CHD3: variants seen among roughly 807,000 people sequenced by gnomAD.
The protein encoded by CHD3 is chromodomain helicase DNA binding protein 3, also known as ATP-dependent chromatin remodeler CHD3.
Under a neutral mutation model 248.9 loss-of-function variants are expected in CHD3, and 52 were observed. The observed-to-expected ratio is 0.21, with a 90% CI of 0.17 to 0.26. The LOEUF is 0.26. Among genes scored for constraint, CHD3 ranks in the 10% least tolerant of loss-of-function variants. CHD3 has a pLI of 1.00. For synonymous variants in CHD3, 985 were observed against 985.2 expected (o/e 1.00, Z 0.00); for missense variants, 1,482 against 2,605.8 (o/e 0.57, Z 9.39).
chr17:7,891,467 CCCTT>C (rs1197279864), intron 4 of CHD3, among the ~76,000 whole-genome samples: 2 of 152,156 alleles, frequency 1.3e-5, no homozygotes, highest in African/African-American at 2.4e-5. Flanking sequence ...GGTCCTGTGC[CCCTT>C]CCTTAGGCCC....
At position 7,893,841 on chromosome 17, in the gene CHD3, T is replaced by C. The variant is rs1196723619; in HGVS notation, c.830T>C (p.Val277Ala). The C allele has an allele frequency of 6.2e-7, 1 of 1,613,828 alleles. No individual in the cohort carries two copies. The highest frequency in any genetic ancestry group is 1.7e-5 in the Admixed American group (1 of 59,990). Reference protein sequence around the residue: ...GHKRRSKSPRVPDGRKKLRGK... With the variant: ...GHKRRSKSPRAPDGRKKLRGK... ...AAGAGGCGGAGTAAGAGCCCCCGAG[T>C]GCCTGATGGACGCAAGAAGCTTCGG... The change falls in exon 6 of 40, where the codon GTG (valine) becomes GCG (alanine). Residue 277 changes from valine (V) to alanine (A), a missense_variant. Around this residue, in one of 20 missense-constraint regions of CHD3, gnomAD observed 149 missense variants for 182.6 expected, o/e 0.82. Coordinates refer to ENST00000330494, the MANE Select transcript of CHD3 (RefSeq NM_001005273.3).
chr17:7,901,543 T>G (rs895039146), intron 20 of CHD3, among the ~76,000 whole-genome samples, 168 bp downstream of exon 20: 2 of 140,096 alleles, frequency 1.4e-5, no homozygotes, highest in Non-Finnish European at 3.0e-5. Flanking sequence ...AGAGTTTCGC[T>G]CTTATTGCCC....
Position 7,898,370 on chromosome 17 carries a change from C to T in CHD3, c.2052-126C>T, listed in dbSNP as rs1969931099. On this transcript the variant is annotated intron_variant, in intron 12 of 39. Coordinates refer to ENST00000330494, the MANE Select transcript of CHD3 (RefSeq NM_001005273.3). ...AATCCAAAGGGCAAGGGTAAAGAGCCTGGGAAAAAGGAAATATGGGAAAAT... is the reference window on the plus strand; with the variant it reads ...AATCCAAAGGGCAAGGGTAAAGAGCTTGGGAAAAAGGAAATATGGGAAAAT... The T allele has an allele frequency of 3.7e-6, 3 of 802,352 alleles. No homozygotes were observed. In the African/African-American group the frequency reaches 5.2e-5, roughly 14 times the overall value. The allele number at this position is 802,352 out of a possible 1,614,324, so 49.7% of individuals were successfully genotyped here.
At chr17:7,892,233 C>A (rs1968974185) in intron 4 of CHD3, among the ~76,000 whole-genome samples, 1 of 152,144 alleles carries the variant, frequency 6.6e-6, no homozygotes. Context: ...GAGTTGAGCA[C>A]CCCACCCCAG....
In CHD3 at chr17:7,908,543, G is replaced by T. The variant is rs750944395; in HGVS notation, c.5261+33G>T. The stretch of plus-strand genomic sequence containing the variant: ...TTGATACACATGCAAGAAGGAAAAG[G>T]TTCTCTCAAGCTGGCAAAAAAAAAA... On this transcript the variant is annotated intron_variant, in intron 35 of 39. Coordinates refer to ENST00000330494, the MANE Select transcript of CHD3 (RefSeq NM_001005273.3). This position sits in a 1 kb window ranked among gnomAD's most constrained non-coding sequence, Gnocchi z 5.8. The T allele has an allele frequency of 1.9e-6, 3 of 1,590,310 alleles. No homozygotes were observed. In the African/African-American group the frequency reaches 4.1e-5, roughly 22 times the overall value.
rs752113805 is a variant in CHD3, at chr17:7,907,134, G to A, written c.4675G>A (p.Ala1559Thr). 1.2e-6 allele frequency: 2 copies of A among 1,614,202 alleles called. No individual in the cohort carries two copies. Among genetic ancestry groups the A allele is most frequent in the Admixed American group, 3.3e-5 (2 of 60,030 alleles). Residue 1559 changes from alanine to threonine, a missense_variant, in exon 31 of 40, where the codon GCT becomes ACT. Ala to Thr is a moderately conservative substitution (Grantham distance 58, BLOSUM62 0). Around this residue, in one of 20 missense-constraint regions of CHD3, gnomAD observed 254 missense variants for 266.7 expected, o/e 0.95. Coordinates refer to ENST00000330494, the MANE Select transcript of CHD3 (RefSeq NM_001005273.3). The surrounding 1 kb of genome is among the most constrained non-coding windows in gnomAD (Gnocchi z 4.3). ...SPCTSKPATP[A>T]PSEKGEGIRT... ...TGTGCCTTCCCCTGCAGCTACTCCAGCTCCAAGTGAGAAAGGAGAAGGCAT... is the reference window on the plus strand; with the variant it reads ...TGTGCCTTCCCCTGCAGCTACTCCAACTCCAAGTGAGAAAGGAGAAGGCAT...
Position 7,906,939 on chromosome 17 carries a change from C to G in CHD3, c.4574C>G (p.Ser1525Cys). The G allele has an allele frequency of 6.2e-7, 1 of 1,614,170 alleles. No individual in the cohort carries two copies. The highest frequency in any genetic ancestry group is 1.3e-5 in the African/African-American group (1 of 75,040). Residue 1525 changes from serine (S) to cysteine (C), a missense_variant, in exon 30 of 40, where the codon TCT becomes TGT. Transcript: ENST00000330494. The surrounding 1 kb of genome is among the most constrained non-coding windows in gnomAD (Gnocchi z 5.0). ...CTGATGCCTGACCCCAGCGCCGATT[C>G]TAAGCGCTCCTCCAGAGCCTCCTCT... The part of the protein sequence containing the change: ...PELMPDPSAD[S>C]KRSSRASSPT...
In CHD3 at chr17:7,893,429, C is replaced by T. The variant is rs754472134; in HGVS notation, c.653C>T (p.Ala218Val). 7 of 1,612,222 alleles carry T rather than the reference C, an allele frequency of 4.3e-6. No homozygotes were observed. The highest frequency in any genetic ancestry group is 1.3e-5 in the African/African-American group (1 of 75,002). ...GCGGCGGCAGCGGCAGCAGCAGCAG[C>T]AGCTGTAGCTGAGCAGGTGTCAGCT... ...AVAAAAAAAA[A>V]AVAEQVSAAV... The change falls in exon 5 of 40, where the codon GCA becomes GTA. Residue 218 changes from alanine (A) to valine (V), a missense_variant. Physicochemically the swap from Ala to Val is moderately conservative, Grantham distance 64 (BLOSUM62 0). Around this residue, in one of 20 missense-constraint regions of CHD3, gnomAD observed 149 missense variants for 182.6 expected, o/e 0.82. Transcript: ENST00000330494.
chr17:7,893,716 A>G, intron 5 of CHD3, 89 bp from the exon 6 acceptor site: 1 of 1,550,052 alleles, frequency 6.5e-7, no homozygotes, highest in Admixed American at 2.0e-5. Flanking sequence ...CACAGCCCAC[A>G]GAGGAATCCA....
upstream of CHD3, among the ~76,000 whole-genome samples, chr17:7,886,104 ACT>A (rs578139702): frequency 2.0e-5 from 3 of 151,264 alleles, no homozygotes; most frequent in African/African-American, 4.9e-5. This position sits in a 1 kb window ranked among gnomAD's most constrained non-coding sequence, Gnocchi z 4.2. Context: ...ACTGTCACTC[ACT>A]CTCTCGCTGA....
intron 2 of CHD3, chr17:7,890,368 G>T (rs1216005465): frequency 2.4e-6 from 1 of 424,856 alleles, no homozygotes; most frequent in Admixed American, 4.0e-5. Flanking sequence ...GGTGGAGGTT[G>T]CAGTGAGCCG....
At chr17:7,892,537 G>A (rs1175283614) in intron 4 of CHD3, among the ~76,000 whole-genome samples, 3 of 123,206 alleles carry the variant, frequency 2.4e-5, no homozygotes, top group Non-Finnish European at 3.2e-5. Context: ...TCACTCTGTC[G>A]CCAGGCTGGA....
In CHD3 at chr17:7,910,733, C is replaced by G. The variant is rs377410163; in HGVS notation, c.5755-114C>G. On this transcript the variant is annotated intron_variant, in intron 38 of 39. Coordinates refer to ENST00000330494, the MANE Select transcript of CHD3 (RefSeq NM_001005273.3). The surrounding 1 kb of genome is among the most constrained non-coding windows in gnomAD (Gnocchi z 4.7). Reference sequence around the variant, plus strand: ...ATCACCCTTGAGTGAGTCTCCCTGCCTGTGTATCCTACCCTTAGCAGTTGT... The same window carrying G: ...ATCACCCTTGAGTGAGTCTCCCTGCGTGTGTATCCTACCCTTAGCAGTTGT... 6.0e-6 allele frequency: 9 copies of G among 1,508,426 alleles called. No homozygotes were observed. The East Asian group carries it at 2.0e-4, about 34-fold the overall frequency. The allele number at this position is 1,508,426 out of a possible 1,614,324, so 93.4% of individuals were successfully genotyped here.
In CHD3 at chr17:7,897,160, T is replaced by C. The variant is rs1352905504; in HGVS notation, c.1785T>C (p.Tyr595=). ...NDMDEPPPLD[Y]GSGEDDGKSD... Reference sequence around the variant, plus strand: ...TGGATGAGCCCCCACCCCTGGACTATGGCTCCGGCGAGGATGATGGGAAGA... The same window carrying C: ...TGGATGAGCCCCCACCCCTGGACTACGGCTCCGGCGAGGATGATGGGAAGA... The change falls in exon 11 of 40, where the codon TAT becomes TAC. Residue 595 remains tyrosine, a synonymous_variant. Transcript: ENST00000330494. This position sits in a 1 kb window ranked among gnomAD's most constrained non-coding sequence, Gnocchi z 4.8. 6.2e-7 allele frequency: 1 copy of C among 1,614,168 alleles called. No individual in the cohort carries two copies. The highest frequency in any genetic ancestry group is 1.7e-5 in the Admixed American group (1 of 60,026).
At position 7,904,300 on chromosome 17, in the gene CHD3, C is replaced by A; in HGVS notation, c.3895-142C>A. The A allele has an allele frequency of 1.4e-6, 1 of 736,768 alleles. No homozygotes were observed. 45.6% of individuals were successfully genotyped at this position (736,768 alleles called of 1,614,324 possible). Reference sequence around the variant, plus strand: ...AGATGGCATGGAACATGCGCAATGTCCAGAAAATGTATGCAGAGCCACGAA... The same window carrying A: ...AGATGGCATGGAACATGCGCAATGTACAGAAAATGTATGCAGAGCCACGAA... On this transcript the variant is annotated intron_variant, in intron 24 of 39. Transcript: ENST00000330494. The surrounding 1 kb of genome is among the most constrained non-coding windows in gnomAD (Gnocchi z 4.4).
Position 7,899,042 on chromosome 17 carries a change from T to G in CHD3, c.2183T>G (p.Phe728Cys). The change falls in exon 14 of 40, where the codon TTT becomes TGT. Residue 728 changes from phenylalanine to cysteine, a missense_variant. Transcript: ENST00000330494. The surrounding 1 kb of genome is among the most constrained non-coding windows in gnomAD (Gnocchi z 6.8). ...GTGAAATATGAGACTCAGCCACGGTTTATCACAGCCACTGGAGGCACCCTG... is the reference window on the plus strand; with the variant it reads ...GTGAAATATGAGACTCAGCCACGGTGTATCACAGCCACTGGAGGCACCCTG... ...PTVKYETQPR[F>C]ITATGGTLHM... 6.2e-7 allele frequency: 1 copy of G among 1,614,148 alleles called. No individual in the cohort carries two copies. Among genetic ancestry groups the G allele is most frequent in the Non-Finnish European group, 8.5e-7 (1 of 1,180,020 alleles).
chr17:7,899,307 G>T lies in CHD3; in HGVS notation c.2344-36G>T, dbSNP rs755189107. On this transcript the variant is annotated intron_variant, in intron 14 of 39. Transcript: ENST00000330494. The surrounding 1 kb of genome is among the most constrained non-coding windows in gnomAD (Gnocchi z 6.8). ...AGAGGACTAGGGTATACGGCCTCTA[G>T]CCTAGACTTATGCTGCCCCCATTCT... is the stretch of plus-strand genomic sequence containing the variant. The T allele has an allele frequency of 6.2e-7, 1 of 1,611,398 alleles. No homozygotes were observed. Among genetic ancestry groups the T allele is most frequent in the African/African-American group, 1.3e-5 (1 of 74,848 alleles).
chr17:7,890,956 C>A lies in CHD3; in HGVS notation c.401C>A (p.Ser134Ter). 6.2e-7 allele frequency: 1 copy of A among 1,614,078 alleles called. No individual in the cohort carries two copies. Among genetic ancestry groups the A allele is most frequent in the South Asian group, 1.1e-5 (1 of 91,066 alleles). Residue 134 changes from serine (S) to a stop codon, truncating the protein, a stop_gained, in exon 4 of 40, where the codon TCA becomes TAA. Transcript: ENST00000330494. LOFTEE classifies it high-confidence loss of function. ...DGGQKQVEQK[S>*]SATLLLTWGL... ...CTCCCGCAGCAAGTGGAACAGAAGTCATCAGCAACTCTGCTTCTGACCTGG... is the reference window on the plus strand; with the variant it reads ...CTCCCGCAGCAAGTGGAACAGAAGTAATCAGCAACTCTGCTTCTGACCTGG...
At position 7,908,779 on chromosome 17, in the gene CHD3, A is replaced by C; in HGVS notation, c.5344A>C (p.Lys1782Gln). The C allele has an allele frequency of 6.2e-7, 1 of 1,614,176 alleles. No individual in the cohort carries two copies. Among genetic ancestry groups the C allele is most frequent in the Non-Finnish European group, 8.5e-7 (1 of 1,180,016 alleles). The change falls in exon 36 of 40, where the codon AAG becomes CAG. Residue 1782 changes from lysine (K) to glutamine (Q), a missense_variant. By Grantham distance (53) the Lys-to-Gln change is moderately conservative. Coordinates refer to ENST00000330494, the MANE Select transcript of CHD3 (RefSeq NM_001005273.3). The surrounding 1 kb of genome is among the most constrained non-coding windows in gnomAD (Gnocchi z 5.8). ...INEPFKTEAN[K>Q]GNFLEMKNKF... ...CGAGCCATTTAAAACTGAAGCCAAT[A>C]AGGGGAACTTTCTGGAGATGAAAAA...
Sources: gnomAD v4.1 joint callset for allele counts (sites outside exome capture counted in the v4.1 genomes callset) on GRCh38, gnomAD v4.1.1 for gene constraint, gnomAD v4.1.1 regional missense constraint, Gnocchi (gnomAD v3.1) non-coding constraint, MANE v1.5 for transcripts, NCBI Gene and HGNC (gene_info 2026-07-23, HGNC 2026-07-21) for gene names.